ASIC2: variants seen among roughly 807,000 people sequenced by gnomAD.
The protein encoded by ASIC2 is acid sensing ion channel subunit 2, also known as acid-sensing ion channel 2.
Under a neutral mutation model 57.3 loss-of-function variants are expected in ASIC2, and 25 were observed. The observed-to-expected ratio is 0.44, with a 90% confidence interval of 0.32 to 0.61. The LOEUF (loss-of-function observed/expected upper bound fraction) is 0.61. ASIC2 is among the 20% of genes least tolerant of loss of function. ASIC2 has a pLI of 0.06. For missense variants in ASIC2, 641 were observed against 738.1 expected (o/e 0.87, Z 1.52); for synonymous variants, 319 against 307.5 (o/e 1.04, Z -0.39).
At chr17:33,980,268 A>AC (rs1395589075) in intron 1 of ASIC2, among the ~76,000 whole-genome samples, 1 of 152,136 alleles carries the variant, frequency 6.6e-6, no homozygotes, top group Non-Finnish European at 1.5e-5. Context: ...CCAAGGACAG[A>AC]CAGAGCTCAA....
At chr17:33,230,901 AGGC>A (rs1415160095) in intron 1 of ASIC2, among the ~76,000 whole-genome samples, 1 of 152,212 alleles carries the variant, frequency 6.6e-6, no homozygotes, top group Admixed American at 6.5e-5. Flanking sequence ...GTTTCAATAT[AGGC>A]GTCTTTAAAA....
chr17:33,328,652 C>T (rs1442102819), intron 1 of ASIC2, among the ~76,000 whole-genome samples: 1 of 152,278 alleles, frequency 6.6e-6, no homozygotes, highest in East Asian at 1.9e-4. Context: ...ATTGCCTTCT[C>T]TCAGGATTTC....
intron 1 of ASIC2, among the ~76,000 whole-genome samples, chr17:33,388,537 G>A (rs948428497): frequency 5.9e-5 from 9 of 152,184 alleles, no homozygotes; most frequent in African/African-American, 2.2e-4. Context: ...TCTCATGTGT[G>A]CATATTCATG....
chr17:33,104,345 G>T (rs537189712), intron 2 of ASIC2, among the ~76,000 whole-genome samples: 1 of 152,308 alleles, frequency 6.6e-6, no homozygotes, highest in African/African-American at 2.4e-5. Context: ...AAGGTCATGA[G>T]CTTCTTTCAC....
intron 1 of ASIC2, among the ~76,000 whole-genome samples, chr17:33,476,666 G>T (rs541539222): frequency 6.6e-6 from 1 of 151,744 alleles, no homozygotes. Flanking sequence ...CTGAGAGCTG[G>T]CCAAATGGTG....
At chr17:34,126,059 TG>T (rs1339394293) in intron 1 of ASIC2, among the ~76,000 whole-genome samples, 1 of 152,132 alleles carries the variant, frequency 6.6e-6, no homozygotes, top group Non-Finnish European at 1.5e-5. Flanking sequence ...TGGGTTACCT[TG>T]GGTAGGCACA....
chr17:34,098,157 G>A (rs1910613129), intron 1 of ASIC2, among the ~76,000 whole-genome samples: 1 of 152,188 alleles, frequency 6.6e-6, no homozygotes, highest in Non-Finnish European at 1.5e-5. Flanking sequence ...TCCAGCGAGG[G>A]AGAAAGATAT....
chr17:33,675,325 G>A (rs894823407), intron 1 of ASIC2, among the ~76,000 whole-genome samples: 1 of 152,188 alleles, frequency 6.6e-6, no homozygotes, highest in African/African-American at 2.4e-5. Context: ...GAATGTGAGA[G>A]GTACCAGGAT....
chr17:33,444,629 G>T (rs1911948502), intron 1 of ASIC2, among the ~76,000 whole-genome samples: 1 of 152,194 alleles, frequency 6.6e-6, no homozygotes, highest in South Asian at 2.1e-4. Flanking sequence ...TGTTAGGGTA[G>T]TGTAGGGATA....
chr17:33,999,667 A>G (rs1349533691), intron 1 of ASIC2, among the ~76,000 whole-genome samples: 1 of 152,078 alleles, frequency 6.6e-6, no homozygotes, highest in East Asian at 1.9e-4. Flanking sequence ...CTTTTCTCAC[A>G]TTTTATGTTA....
At position 33,028,237 on chromosome 17, in the gene ASIC2, C is replaced by T; in HGVS notation, c.1138+5G>A. The T allele has an allele frequency of 1.2e-6, 2 of 1,613,742 alleles. No homozygotes were observed. The highest frequency in any genetic ancestry group is 2.2e-5 in the East Asian group (1 of 44,884). On this transcript the variant is annotated splice_donor_5th_base_variant and intron_variant, in intron 4 of 9. Coordinates refer to ENST00000225823, the MANE Select transcript of ASIC2 (RefSeq NM_183377.2). The stretch of plus-strand genomic sequence containing the variant: ...GCCCTGTGGCCACCCTGCCCTGGCA[C>T]TGACCTGGCATGTGAACCATGCGGC...
intron 1 of ASIC2, among the ~76,000 whole-genome samples, chr17:33,961,712 G>C (rs1342382530): frequency 6.6e-6 from 1 of 150,662 alleles, no homozygotes. Flanking sequence ...TGCTTGCCTT[G>C]CTGGGTAGCA....
intron 1 of ASIC2, among the ~76,000 whole-genome samples, chr17:34,035,269 C>G (rs1398845660): frequency 2.1e-5 from 3 of 145,108 alleles, no homozygotes; most frequent in African/African-American, 2.7e-5. Flanking sequence ...AAAGGATTCC[C>G]TATTTAATAA....
chr17:33,191,457 A>C (rs1256442989), intron 1 of ASIC2, among the ~76,000 whole-genome samples: 2 of 152,124 alleles, frequency 1.3e-5, no homozygotes, highest in African/African-American at 2.4e-5. Flanking sequence ...ATCAGATTAA[A>C]CACTTTAAAT....
rs566015932 is a variant in ASIC2, at chr17:33,862,101, G to A, written c.555+293877C>T. 2.0e-5 allele frequency among the ~76,000 whole-genome samples: 3 copies of A among 152,288 alleles called. No homozygotes were observed. The East Asian group carries it at 5.8e-4, about 29-fold the overall frequency. On this transcript the variant is annotated intron_variant, in intron 1 of 9. Coordinates refer to the ASIC2 transcript ENST00000359872. ...AAGGTTTTCCTTCACCCAGTATACT[G>A]TTCCTGTATTCTCTGCCTTGCAAGA... is the stretch of plus-strand genomic sequence containing the variant.
intron 1 of ASIC2, among the ~76,000 whole-genome samples, chr17:33,516,771 T>C (rs939368226): frequency 1.3e-5 from 2 of 152,198 alleles, no homozygotes; most frequent in African/African-American, 4.8e-5. Flanking sequence ...CAGGAGTCCC[T>C]GTCTCTGGGA....
intron 3 of ASIC2, among the ~76,000 whole-genome samples, chr17:33,034,491 T>C (rs1434492729): frequency 1.3e-5 from 2 of 152,150 alleles, no homozygotes; most frequent in Non-Finnish European, 2.9e-5. Context: ...AGCATGAGAC[T>C]CCTCTAAAAC....
At chr17:33,642,745 G>T (rs1015100535) in intron 1 of ASIC2, among the ~76,000 whole-genome samples, 3 of 152,178 alleles carry the variant, frequency 2.0e-5, no homozygotes, top group Non-Finnish European at 2.9e-5. Context: ...ATTATATGGT[G>T]CTATCTGACC....
chr17:34,021,067 C>T (rs866318031), intron 1 of ASIC2, among the ~76,000 whole-genome samples: 4 of 151,956 alleles, frequency 2.6e-5, no homozygotes, highest in South Asian at 2.1e-4. Flanking sequence ...AAGAATGATA[C>T]GGTGGACTCT....
Sources: gnomAD v4.1 joint callset for allele counts (sites outside exome capture counted in the v4.1 genomes callset) on GRCh38, gnomAD v4.1.1 for gene constraint, MANE v1.5 for transcripts, NCBI Gene and HGNC (gene_info 2026-07-23, HGNC 2026-07-21) for gene names.